Variants in PTCHD1 observed in about 807,000 individuals in gnomAD.
PTCHD1 encodes the protein patched domain containing 1.
Under a neutral mutation model 34.6 loss-of-function variants are expected in PTCHD1, and 3 were observed. That is an observed-to-expected ratio of 0.09 (90% CI 0.04 to 0.22). The LOEUF is 0.22. Among genes scored for constraint, PTCHD1 ranks in the 10% least tolerant of loss-of-function variants. PTCHD1 has a pLI of 1.00. For missense variants in PTCHD1, 504 were observed against 685.5 expected (o/e 0.74, Z 2.96); for synonymous variants, 305 against 283.1 (o/e 1.08, Z -0.77).
chrX:23,349,933 C>A (rs1234656187), intron 1 of PTCHD1, among the ~76,000 whole-genome samples: 1 of 108,670 alleles, frequency 9.2e-6, no homozygotes, highest in Non-Finnish European at 1.9e-5. Flanking sequence ...CTTCTGTGCA[C>A]CCAAGGAGCT....
intron 1 of PTCHD1, among the ~76,000 whole-genome samples, chrX:23,356,922 A>T (rs1921823012): frequency 8.9e-6 from 1 of 111,912 alleles, no homozygotes; most frequent in Non-Finnish European, 1.9e-5. Flanking sequence ...TCTGCCAGGC[A>T]TTTCATCTAT....
At chrX:23,361,418 T>A (rs6653678) in intron 1 of PTCHD1, among the ~76,000 whole-genome samples, 3 of 110,171 alleles carry the variant, frequency 2.7e-5, no homozygotes, top group Admixed American at 1.9e-4. Context: ...CTTCTTTGTC[T>A]CTTTTGATCT....
rs34539351 is a variant in PTCHD1, at chrX:23,394,409, G to GACACACACACACACACACACACACAC, written c.*241_*266dup. 1.0e-4 allele frequency: 20 copies of GACACACACACACACACACACACACAC among 200,364 alleles called. 1 individual carries two copies. Among genetic ancestry groups the GACACACACACACACACACACACACAC allele is most frequent in the East Asian group, 4.0e-4 (4 of 10,104 alleles). The allele number at this position is 200,364 out of a possible 1,213,427, so 16.5% of individuals were successfully genotyped here. A position where few individuals can be genotyped will look rare whatever the true frequency, so the allele number is the denominator to read the frequency against. On this transcript the variant is annotated 3_prime_UTR_variant, in exon 3 of 3. Coordinates refer to ENST00000379361, the MANE Select transcript of PTCHD1 (RefSeq NM_173495.3). ...TGTTATGAGAATTCACACACACATA[G>GACACACACACACACACACACACACAC]ACACACACACACACACACACACACA... is the stretch of plus-strand genomic sequence containing the variant.
At chrX:23,385,449 C>T (rs930047813) in intron 2 of PTCHD1, among the ~76,000 whole-genome samples, 4 of 111,086 alleles carry the variant, frequency 3.6e-5, no homozygotes. Context: ...GTCTGTCTAC[C>T]CGGTCGTGCC....
chrX:23,399,792 G>C lies in PTCHD1; in HGVS notation c.*5607G>C, dbSNP rs1923075928. The C allele has an allele frequency of 8.9e-6, 1 of 111,903 alleles. No homozygotes were observed. Among genetic ancestry groups the C allele is most frequent in the Non-Finnish European group, 1.9e-5 (1 of 53,202 alleles). The allele number at this position is 111,903 out of a possible 1,213,427, so 9.2% of individuals were successfully genotyped here. Reference sequence around the variant, plus strand: ...AAGGAGCCCTCTGTACTGTGCTCTTGTTGGCAAGAGGAACACCAGGTTGCT... The same window carrying C: ...AAGGAGCCCTCTGTACTGTGCTCTTCTTGGCAAGAGGAACACCAGGTTGCT... On this transcript the variant is annotated 3_prime_UTR_variant, in exon 3 of 3. Coordinates refer to ENST00000379361, the MANE Select transcript of PTCHD1 (RefSeq NM_173495.3).
intron 2 of PTCHD1, 138 bp downstream of exon 2, chrX:23,380,389 T>C (rs1292367293): frequency 6.5e-5 from 39 of 600,947 alleles, no homozygotes; most frequent in Non-Finnish European, 1.0e-4. Flanking sequence ...TGGGACCCAC[T>C]CTATAAAGTG....
At chrX:23,350,060 TAAAAAAAAA>T (rs57194123) in intron 1 of PTCHD1, among the ~76,000 whole-genome samples, 10 of 40,413 alleles carry the variant, frequency 2.5e-4, no homozygotes, top group Admixed American at 3.8e-4. Context: ...TTAGTGCTGT[TAAAAAAAAA>T]AAAAAAAAAA....
At chrX:23,351,269 C>T in intron 1 of PTCHD1, 1 of 804,818 alleles carries the variant, frequency 1.2e-6, no homozygotes, top group Non-Finnish European at 1.9e-6. Flanking sequence ...TCAGTTGACT[C>T]ATTCACTCTG....
At chrX:23,334,485 C>T (rs940303620), upstream of PTCHD1, 1 of 109,294 alleles carries the variant, frequency 9.1e-6, no homozygotes, top group Non-Finnish European at 1.9e-5. Flanking sequence ...TGACGAGCCG[C>T]GGGGGCTGCC....
chrX:23,346,586 T>A (rs1192672620), intron 1 of PTCHD1, among the ~76,000 whole-genome samples: 1 of 111,636 alleles, frequency 9.0e-6, no homozygotes, highest in Non-Finnish European at 1.9e-5. Flanking sequence ...GGTGGGGGAT[T>A]ATGGTTAAAT....
At chrX:23,385,811 A>G (rs1300601637) in intron 2 of PTCHD1, among the ~76,000 whole-genome samples, 1 of 111,362 alleles carries the variant, frequency 9.0e-6, no homozygotes, top group Non-Finnish European at 1.9e-5. Context: ...AATAAATTTC[A>G]CATCAGCCTA....
chrX:23,395,382 T>C lies in PTCHD1; in HGVS notation c.*1197T>C, dbSNP rs978968968. 2 of 111,912 alleles carry C rather than the reference T, an allele frequency of 1.8e-5. No homozygotes were observed. Among genetic ancestry groups the C allele is most frequent in the Non-Finnish European group, 3.8e-5 (2 of 53,211 alleles). 9.2% of individuals were successfully genotyped at this position (111,912 alleles called of 1,213,427 possible). Reference sequence around the variant, plus strand: ...CTGACGCTGAGAAGCTTTGTAAAAGTGCAGGGAGATAAAGGGCCAAAAGGG... The same window carrying C: ...CTGACGCTGAGAAGCTTTGTAAAAGCGCAGGGAGATAAAGGGCCAAAAGGG... On this transcript the variant is annotated 3_prime_UTR_variant, in exon 3 of 3. Transcript: ENST00000379361.
chrX:23,351,843 T>C (rs1921644080), intron 1 of PTCHD1, among the ~76,000 whole-genome samples: 1 of 112,005 alleles, frequency 8.9e-6, no homozygotes, highest in African/African-American at 3.2e-5. Context: ...GGAAATAAAG[T>C]TAGCAAGCAC....
intron 1 of PTCHD1, among the ~76,000 whole-genome samples, chrX:23,365,451 G>A (rs1041295331): frequency 1.8e-5 from 2 of 110,909 alleles, no homozygotes; most frequent in Admixed American, 9.7e-5. Context: ...ATCAAGTAAA[G>A]GCAGCTTACT....
In PTCHD1 at chrX:23,339,277, A is replaced by G. The variant is rs777049070; in HGVS notation, c.351+4051A>G. 4.4e-5 allele frequency among the ~76,000 whole-genome samples: 5 copies of G among 112,372 alleles called. No homozygotes were observed. In the South Asian group the frequency reaches 1.5e-3, roughly 33 times the overall value. ...GTTACTAGGATTCTTTGTTTGCAAG[A>G]TATCATTCTTCCCTCCTTGATAACC... is the stretch of plus-strand genomic sequence containing the variant. On this transcript the variant is annotated intron_variant, in intron 1 of 2. Coordinates refer to ENST00000379361, the MANE Select transcript of PTCHD1 (RefSeq NM_173495.3).
intron 1 of PTCHD1, among the ~76,000 whole-genome samples, chrX:23,377,693 G>A (rs1185891297): frequency 9.2e-6 from 1 of 108,242 alleles, no homozygotes; most frequent in African/African-American, 3.4e-5. Flanking sequence ...TGATCCTGTG[G>A]GTTGGTACCC....
Position 23,393,831 on chromosome X carries a change from G to A in PTCHD1, c.2313G>A (p.Met771Ile), listed in dbSNP as rs1165623374. The A allele has an allele frequency of 8.3e-7, 1 of 1,210,729 alleles. No homozygotes were observed. Among genetic ancestry groups the A allele is most frequent in the East Asian group, 3.0e-5 (1 of 33,857 alleles). ...ACACAATTGACAATTGTGCTCCAAT[G>A]TTATCCACATTTGTTCTGGGCAAGG... ...INYTIDNCAP[M>I]LSTFVLGKDF... Residue 771 changes from methionine (M) to isoleucine (I), a missense_variant, in exon 3 of 3, where the codon ATG (methionine) becomes ATA (isoleucine). By Grantham distance (10) the Met-to-Ile change is conservative (BLOSUM62 1). Transcript: ENST00000379361.
intron 1 of PTCHD1, among the ~76,000 whole-genome samples, chrX:23,363,625 C>A (rs532859863): frequency 2.7e-5 from 3 of 112,869 alleles, no homozygotes; most frequent in African/African-American, 9.6e-5. Context: ...AGGCGATGCC[C>A]CGCCCTGCTT....
At chrX:23,370,859 T>C (rs773391008) in intron 1 of PTCHD1, among the ~76,000 whole-genome samples, 1 of 111,616 alleles carries the variant, frequency 9.0e-6, no homozygotes, top group Admixed American at 9.5e-5. Flanking sequence ...AATGAGAAGA[T>C]TTCTGAGATC....
Sources: allele counts gnomAD v4.1 joint callset (sites outside exome capture counted in the v4.1 genomes callset), GRCh38; gene constraint gnomAD v4.1.1; transcripts MANE v1.5; gene names NCBI Gene and HGNC (gene_info 2026-07-23, HGNC 2026-07-21).